XPO4: variants seen among roughly 807,000 people sequenced by gnomAD.
XPO4 encodes the protein exportin-4.
Under a neutral mutation model 143.0 loss-of-function variants are expected in XPO4, and 39 were observed. That is an observed-to-expected ratio of 0.27 (90% confidence interval 0.21 to 0.36). XPO4 has a LOEUF of 0.36. XPO4 is among the 10% of genes least tolerant of loss of function. The pLI is 1.00. For synonymous variants in XPO4, 439 were observed against 474.0 expected (o/e 0.93, Z 0.96); for missense variants, 907 against 1,348.0 (o/e 0.67, Z 5.12).
At position 20,817,527 on chromosome 13, in the gene XPO4, T is replaced by C. The variant is rs1457956082; in HGVS notation, c.1173+4177A>G. On this transcript the variant is annotated intron_variant, in intron 9 of 22. Coordinates refer to ENST00000255305, the MANE Select transcript of XPO4 (RefSeq NM_022459.5). Reference sequence around the variant, plus strand: ...CTTTATAAATTGTTATTTACCACGATTGCCCTTATACACAACACATACATC... The same window carrying C: ...CTTTATAAATTGTTATTTACCACGACTGCCCTTATACACAACACATACATC... Among the ~76,000 whole-genome samples the C allele has an allele frequency of 2.6e-5, 4 of 152,190 alleles. No homozygotes were observed. In the South Asian group the frequency reaches 6.2e-4, roughly 24 times the overall value.
At chr13:20,860,235 A>G (rs2138115469) in intron 3 of XPO4, among the ~76,000 whole-genome samples, 2 of 152,364 alleles carry the variant, frequency 1.3e-5, no homozygotes, top group Non-Finnish European at 2.9e-5. Flanking sequence ...TGCTCTTCAG[A>G]AAACGCTAAC....
chr13:20,900,872 A>G (rs552357245), intron 1 of XPO4, among the ~76,000 whole-genome samples: 9 of 152,160 alleles, frequency 5.9e-5, no homozygotes, highest in Non-Finnish European at 1.3e-4. Flanking sequence ...TCGGCCTCCC[A>G]AAGTGCTGGG....
chr13:20,784,355 C>A (rs912525397), intron 22 of XPO4, among the ~76,000 whole-genome samples: 1 of 152,146 alleles, frequency 6.6e-6, no homozygotes, highest in Non-Finnish European at 1.5e-5. Flanking sequence ...CTGGTCCACC[C>A]AGTTCTGAGG....
At chr13:20,809,539 GA>G (rs1287461948) in intron 10 of XPO4, among the ~76,000 whole-genome samples, 3 of 152,140 alleles carry the variant, frequency 2.0e-5, no homozygotes, top group Non-Finnish European at 4.4e-5. Context: ...GAAATAACCA[GA>G]CATCCATGGC....
Position 20,808,420 on chromosome 13 carries a change from G to T in XPO4, c.1639+16C>A, listed in dbSNP as rs770213411. On this transcript the variant is annotated intron_variant, in intron 12 of 22. Transcript: ENST00000255305. ...TCAGTTGGCAATTACATTTTAAAAA[G>T]AAACCACCAACCAACCTGTAACTAA... The T allele has an allele frequency of 2.0e-6, 3 of 1,500,646 alleles. No homozygotes were observed. The African/African-American group carries it at 4.1e-5, about 21-fold the overall frequency. 93.0% of individuals were successfully genotyped at this position (1,500,646 alleles called of 1,614,324 possible).
At chr13:20,844,367 A>G (rs1228853009) in intron 4 of XPO4, among the ~76,000 whole-genome samples, 2 of 152,186 alleles carry the variant, frequency 1.3e-5, no homozygotes, top group Non-Finnish European at 2.9e-5. Flanking sequence ...AACAGATTTT[A>G]TAGTGTCCAA....
chr13:20,876,093 C>CAA lies in XPO4; in HGVS notation c.70-7394_70-7393dup, dbSNP rs11301411. The stretch of plus-strand genomic sequence containing the variant: ...AGTGAAACCCCATCTCTACTAAATA[C>CAA]AAAAAAAAAAAAAAAAAAAAAATAG... On this transcript the variant is annotated intron_variant, in intron 1 of 22. Coordinates refer to ENST00000255305, the MANE Select transcript of XPO4 (RefSeq NM_022459.5). Among the ~76,000 whole-genome samples the CAA allele has an allele frequency of 6.5e-3, 589 of 90,702 alleles. 9 individuals carry two copies. The highest frequency in any genetic ancestry group is 9.5e-3 in the Non-Finnish European group (436 of 45,844). 59.5% of individuals were successfully genotyped at this position (90,702 alleles called of 152,430 possible).
chr13:20,828,018 A>C (rs1466993326), intron 6 of XPO4, among the ~76,000 whole-genome samples: 1 of 152,206 alleles, frequency 6.6e-6, no homozygotes, highest in Non-Finnish European at 1.5e-5. Context: ...CAGGCGGATC[A>C]CCTGAGGTCA....
At chr13:20,789,471 T>A (rs189982873) in intron 19 of XPO4, among the ~76,000 whole-genome samples, 4 of 150,454 alleles carry the variant, frequency 2.7e-5, no homozygotes, top group Non-Finnish European at 5.9e-5. Context: ...CTTGGCTCAC[T>A]GCAAGCTCCG....
intron 6 of XPO4, among the ~76,000 whole-genome samples, chr13:20,838,376 G>A (rs1348178558): frequency 2.0e-5 from 3 of 151,738 alleles, no homozygotes; most frequent in Admixed American, 6.6e-5. Context: ...TTGGGAGGCT[G>A]AGATGGGTGG....
chr13:20,841,745 T>A (rs1472928737), intron 6 of XPO4, among the ~76,000 whole-genome samples: 2 of 151,992 alleles, frequency 1.3e-5, no homozygotes, highest in Non-Finnish European at 2.9e-5. Flanking sequence ...AATGTCATAA[T>A]TTTACCAGCC....
At chr13:20,902,482 G>A (rs566160443) in intron 1 of XPO4, 188 bp downstream of exon 1, 2 of 985,446 alleles carry the variant, frequency 2.0e-6, no homozygotes, top group Admixed American at 6.1e-5. Flanking sequence ...GCTCCTGGAA[G>A]GAGGGGACGA....
chr13:20,854,479 A>G (rs1447563616), intron 4 of XPO4, among the ~76,000 whole-genome samples: 1 of 152,242 alleles, frequency 6.6e-6, no homozygotes, highest in African/African-American at 2.4e-5. Context: ...ACTGAAGACA[A>G]AAGGAATTAA....
intron 1 of XPO4, among the ~76,000 whole-genome samples, chr13:20,895,337 G>T (rs1218958669): frequency 1.3e-5 from 2 of 152,020 alleles, no homozygotes; most frequent in Non-Finnish European, 2.9e-5. Context: ...GCCATTCTTA[G>T]AAGTTTAGTA....
chr13:20,816,800 C>A (rs1218782702), intron 9 of XPO4, among the ~76,000 whole-genome samples: 1 of 152,186 alleles, frequency 6.6e-6, no homozygotes, highest in African/African-American at 2.4e-5. Context: ...TAAAACAATT[C>A]TTAAAACACT....
chr13:20,827,625 T>C (rs535477828), intron 6 of XPO4, among the ~76,000 whole-genome samples: 4 of 152,222 alleles, frequency 2.6e-5, no homozygotes, highest in South Asian at 4.1e-4. Flanking sequence ...AATAGCATTT[T>C]TCCAGAAGAA....
chr13:20,867,035 T>C (rs2060250330), intron 2 of XPO4, among the ~76,000 whole-genome samples: 1 of 152,358 alleles, frequency 6.6e-6, no homozygotes, highest in South Asian at 2.1e-4. Context: ...CTAAATCTAT[T>C]AATGCTGAAC....
At chr13:20,838,085 T>C (rs2059936560) in intron 6 of XPO4, among the ~76,000 whole-genome samples, 1 of 152,168 alleles carries the variant, frequency 6.6e-6, no homozygotes, top group Admixed American at 6.5e-5. Context: ...AGCCAAGTTA[T>C]GATTTCATTA....
At chr13:20,885,139 G>A (rs2060449499) in intron 1 of XPO4, among the ~76,000 whole-genome samples, 1 of 152,078 alleles carries the variant, frequency 6.6e-6, no homozygotes. Context: ...TAGTAGAGAT[G>A]GGGTTTCTCC....
Sources: gnomAD v4.1 joint callset for allele counts (sites outside exome capture counted in the v4.1 genomes callset) on GRCh38, gnomAD v4.1.1 for gene constraint, MANE v1.5 for transcripts, NCBI Gene and HGNC (gene_info 2026-07-23, HGNC 2026-07-21) for gene names.